EIF2B3: variants seen among roughly 807,000 people sequenced by gnomAD.
The protein encoded by EIF2B3 is eukaryotic translation initiation factor 2B subunit gamma, also known as translation initiation factor eIF2B subunit gamma.
Under a neutral mutation model 54.1 loss-of-function variants are expected in EIF2B3, and 20 were observed. The observed-to-expected ratio is 0.37, with a 90% CI of 0.26 to 0.54. The LOEUF (loss-of-function observed/expected upper bound fraction) is 0.54. EIF2B3 is among the 20% of genes least tolerant of loss of function. EIF2B3 has a pLI of 0.86. For missense variants in EIF2B3, 448 were observed against 547.8 expected (o/e 0.82, Z 1.82); for synonymous variants, 153 against 188.1 (o/e 0.81, Z 1.52).
At chr1:44,909,234 A>T (rs1462104941) in intron 5 of EIF2B3, among the ~76,000 whole-genome samples, 2 of 152,144 alleles carry the variant, frequency 1.3e-5, no homozygotes, top group Non-Finnish European at 2.9e-5. Flanking sequence ...TGAAATAAGG[A>T]AACAGGATTC....
At chr1:44,973,804 G>A (rs935291851) in intron 3 of EIF2B3, among the ~76,000 whole-genome samples, 1 of 152,170 alleles carries the variant, frequency 6.6e-6, no homozygotes, top group Admixed American at 6.5e-5. Flanking sequence ...GCTGCCATGG[G>A]CTAGGAGGAG....
At chr1:44,910,229 G>T (rs1466229183) in intron 5 of EIF2B3, among the ~76,000 whole-genome samples, 1 of 152,084 alleles carries the variant, frequency 6.6e-6, no homozygotes, top group African/African-American at 2.4e-5. Context: ...CTGGAGGGGG[G>T]TTTCTTTAAA....
chr1:44,978,703 C>T (rs1433114717), intron 2 of EIF2B3, among the ~76,000 whole-genome samples: 6 of 134,616 alleles, frequency 4.5e-5, no homozygotes, highest in Middle Eastern at 4.7e-3. Context: ...GTGGCACTGT[C>T]GCAGTTCACA....
At chr1:44,869,191 T>C (rs910968168) in intron 10 of EIF2B3, among the ~76,000 whole-genome samples, 1 of 152,132 alleles carries the variant, frequency 6.6e-6, no homozygotes, top group African/African-American at 2.4e-5. Context: ...CTAAATGCTT[T>C]ATATGGCCGG....
At chr1:44,913,622 C>T (rs915569505) in intron 5 of EIF2B3, among the ~76,000 whole-genome samples, 1 of 151,902 alleles carries the variant, frequency 6.6e-6, no homozygotes, top group Admixed American at 6.6e-5. Context: ...TTCCCGTCTC[C>T]GCCTCCCAAG....
intron 3 of EIF2B3, among the ~76,000 whole-genome samples, chr1:44,965,338 C>T (rs1466066875): frequency 6.6e-6 from 1 of 152,098 alleles, no homozygotes; most frequent in Non-Finnish European, 1.5e-5. Flanking sequence ...ACTATCTAAT[C>T]TACATATAAA....
chr1:44,891,809 A>C (rs968887394), intron 6 of EIF2B3, among the ~76,000 whole-genome samples: 1 of 152,176 alleles, frequency 6.6e-6, no homozygotes, highest in African/African-American at 2.4e-5. Flanking sequence ...ATGTGTGAGG[A>C]GGTATCATGT....
intron 5 of EIF2B3, among the ~76,000 whole-genome samples, chr1:44,906,378 GC>G (rs1643410519): frequency 1.3e-5 from 2 of 152,216 alleles, no homozygotes; most frequent in Admixed American, 1.3e-4. Context: ...ATGCCTCAAA[GC>G]TTTGTTTCAG....
intron 5 of EIF2B3, among the ~76,000 whole-genome samples, chr1:44,925,698 G>A (rs375287836): frequency 2.4e-4 from 37 of 151,832 alleles, no homozygotes; most frequent in African/African-American, 6.0e-4. Context: ...GGGCTGAGGC[G>A]GGTGGACTAC....
At chr1:44,909,557 T>C (rs535749261) in intron 5 of EIF2B3, among the ~76,000 whole-genome samples, 17 of 152,232 alleles carry the variant, frequency 1.1e-4, no homozygotes, top group Non-Finnish European at 1.6e-4. Context: ...AGGCAGGAGA[T>C]TGGAAGATTT....
At chr1:44,932,081 T>G (rs560190488) in intron 4 of EIF2B3, among the ~76,000 whole-genome samples, 1 of 152,048 alleles carries the variant, frequency 6.6e-6, no homozygotes, top group Non-Finnish European at 1.5e-5. Context: ...CACTGCCTTC[T>G]AGCCTGGACA....
At chr1:44,882,475 G>A (rs1655434799) in intron 6 of EIF2B3, among the ~76,000 whole-genome samples, 1 of 148,422 alleles carries the variant, frequency 6.7e-6, no homozygotes, top group Admixed American at 6.8e-5. Context: ...GTCTCACTCT[G>A]TCTGTTGCCC....
At chr1:44,891,374 G>T (rs1451662877) in intron 6 of EIF2B3, among the ~76,000 whole-genome samples, 1 of 152,090 alleles carries the variant, frequency 6.6e-6, no homozygotes, top group African/African-American at 2.4e-5. Flanking sequence ...AATCCTTCCT[G>T]CTTCAGCCTC....
chr1:44,928,142 A>T (rs534967310), intron 4 of EIF2B3, among the ~76,000 whole-genome samples: 1 of 151,280 alleles, frequency 6.6e-6, no homozygotes, highest in Non-Finnish European at 1.5e-5. Context: ...ACAGACCAAG[A>T]CCTTCTCTCA....
chr1:44,921,881 ATT>A (rs903725965), intron 5 of EIF2B3, among the ~76,000 whole-genome samples: 13 of 144,006 alleles, frequency 9.0e-5, no homozygotes. Context: ...GTCTTCTGTA[ATT>A]CCATATATAT....
intron 5 of EIF2B3, among the ~76,000 whole-genome samples, chr1:44,900,922 A>AT (rs1391328196): frequency 6.6e-6 from 1 of 151,904 alleles, no homozygotes. Context: ...GCTGTTAGTG[A>AT]TTTTTTTGAG....
chr1:44,952,601 A>G (rs1644178300), intron 3 of EIF2B3, among the ~76,000 whole-genome samples: 1 of 148,204 alleles, frequency 6.7e-6, no homozygotes, highest in Non-Finnish European at 1.5e-5. Context: ...CACCCAGGCT[A>G]GAGTGCAGTG....
rs1171020644 is a variant in EIF2B3, at chr1:44,951,954, ATTTTTTTTTTTTTT to A, written c.295-10303_295-10290del. Among the ~76,000 whole-genome samples the A allele has an allele frequency of 1.1e-4, 5 of 44,672 alleles. 2 individuals carry two copies. The highest frequency in any genetic ancestry group is 6.8e-4 in the African/African-American group (5 of 7,336). The allele number at this position is 44,672 out of a possible 152,430, so 29.3% of individuals were successfully genotyped here. The stretch of plus-strand genomic sequence containing the variant: ...AGGGGCGCACCACCATGCCTGGCTA[ATTTTTTTTTTTTTT>A]TTTTTTTTTTTTGAGACGGAGTCTC... On this transcript the variant is annotated intron_variant, in intron 3 of 11. Transcript: ENST00000360403.
chr1:44,890,032 C>A (rs146275864), intron 6 of EIF2B3, among the ~76,000 whole-genome samples: 2 of 152,150 alleles, frequency 1.3e-5, no homozygotes, highest in Non-Finnish European at 2.9e-5. Flanking sequence ...TCAGGGAATA[C>A]GTGGCTCTTT....
Sources: allele counts gnomAD v4.1 joint callset (sites outside exome capture counted in the v4.1 genomes callset), GRCh38; gene constraint gnomAD v4.1.1; transcripts MANE v1.5; gene names NCBI Gene and HGNC (gene_info 2026-07-23, HGNC 2026-07-21).